PRODH2: variants seen among roughly 807,000 people sequenced by gnomAD.
The protein encoded by PRODH2 is hydroxyproline dehydrogenase.
Under a neutral mutation model 51.9 loss-of-function variants are expected in PRODH2, and 49 were observed. The ratio of observed to expected loss-of-function variants is 0.94; its 90% confidence interval spans 0.75 to 1.20. PRODH2 has a LOEUF of 1.20. PRODH2 is among the 50% of genes most tolerant of loss of function. The pLI is 0.00. For missense variants in PRODH2, 597 were observed against 610.9 expected (o/e 0.98, Z 0.24); for synonymous variants, 249 against 260.7 (o/e 0.96, Z 0.43).
Position 35,812,461 on chromosome 19 carries a change from T to C in PRODH2, c.270A>G (p.Ala90=), listed in dbSNP as rs756617763. 2 of 1,614,162 alleles carry C rather than the reference T, an allele frequency of 1.2e-6. No homozygotes were observed. The highest frequency in any genetic ancestry group is 1.7e-6 in the Non-Finnish European group (2 of 1,180,004). ...GCTGCACGCAGCCCTTCACCTCCTC[T>C]GCTGTCTCACCAGCCACAAACTGCC... ...VYGQFVAGET[A]EEVKGCVQQL... Residue 90 remains alanine, a synonymous_variant, in exon 2 of 10, where the codon GCA becomes GCG. Coordinates refer to ENST00000653904, the MANE Select transcript of PRODH2 (RefSeq NM_021232.2).
intron 7 of PRODH2, among the ~76,000 whole-genome samples, chr19:35,803,806 A>G (rs921543581): frequency 1.3e-5 from 2 of 152,248 alleles, no homozygotes; most frequent in Non-Finnish European, 2.9e-5. Flanking sequence ...ATAGTGCTCT[A>G]TCGCGCAACT....
At position 35,803,105 on chromosome 19, in the gene PRODH2, A is replaced by C. The variant is rs187814084; in HGVS notation, c.1002-27T>G. 667 of 1,477,300 alleles carry C rather than the reference A, an allele frequency of 4.5e-4. 10 individuals carry two copies. The Admixed American group carries it at 0.012, about 26-fold the overall frequency. 91.5% of individuals were successfully genotyped at this position (1,477,300 alleles called of 1,614,324 possible). ...TGAAGGGAGATGCTCTGTTCAGCTCACCTGGTGAGCGAGGGTCAGGCCCCA... is the reference window on the plus strand; with the variant it reads ...TGAAGGGAGATGCTCTGTTCAGCTCCCCTGGTGAGCGAGGGTCAGGCCCCA... On this transcript the variant is annotated intron_variant, in intron 7 of 9. Coordinates refer to ENST00000653904, the MANE Select transcript of PRODH2 (RefSeq NM_021232.2).
In PRODH2 at chr19:35,812,689, C is replaced by A. The variant is rs149195131; in HGVS notation, c.117G>T (p.Arg39=). The change falls in exon 1 of 10, where the codon CGG becomes CGT. Residue 39 remains arginine, a synonymous_variant. Coordinates refer to ENST00000653904, the MANE Select transcript of PRODH2 (RefSeq NM_021232.2). ...CACACAGCCGGAGAACCAGCAAGGC[C>A]CGTGTCAGCTCTCCTGTGCCCTTAA... ...FHLKGTGELT[R]ALLVLRLCAW... is the part of the protein sequence containing the mutation. The A allele has an allele frequency of 1.6e-5, 26 of 1,608,006 alleles. No individual in the cohort carries two copies. Among genetic ancestry groups the A allele is most frequent in the South Asian group, 1.3e-4 (12 of 90,536 alleles).
At chr19:35,804,238 A>G (rs1972475319) in intron 7 of PRODH2, among the ~76,000 whole-genome samples, 2 of 152,096 alleles carry the variant, frequency 1.3e-5, no homozygotes, top group Non-Finnish European at 2.9e-5. Context: ...CCCAGGTTGG[A>G]GTGCAGTGGC....
At chr19:35,802,593 G>C in intron 8 of PRODH2, 1 of 458,158 alleles carries the variant, frequency 2.2e-6, no homozygotes, top group Non-Finnish European at 4.0e-6. Context: ...GTAGGGACTT[G>C]CTTTGTTACC....
At chr19:35,810,082 A>G (rs1479523027) in intron 4 of PRODH2, among the ~76,000 whole-genome samples, 5 of 149,694 alleles carry the variant, frequency 3.3e-5, no homozygotes, top group Non-Finnish European at 7.4e-5. Context: ...AGCCTGGCCA[A>G]CATGGTGAAG....
At chr19:35,804,533 C>G (rs1186808958) in intron 7 of PRODH2, among the ~76,000 whole-genome samples, 11 of 152,362 alleles carry the variant, frequency 7.2e-5, no homozygotes, top group South Asian at 2.1e-4. Flanking sequence ...GGGGTTCTAT[C>G]TCTTGTCCCC....
In PRODH2 at chr19:35,809,743, G is replaced by A. The variant is rs371563077; in HGVS notation, c.597+2219C>T. Among the ~76,000 whole-genome samples, 12 of 149,612 alleles carry A rather than the reference G, an allele frequency of 8.0e-5. No homozygotes were observed. The East Asian group carries it at 1.6e-3, about 20-fold the overall frequency. Reference sequence around the variant, plus strand: ...TGGGAGGCCGAGGCACGTGGATCACGAGGTCAGGAGTTAAAGACTAGCCTG... The same window carrying A: ...TGGGAGGCCGAGGCACGTGGATCACAAGGTCAGGAGTTAAAGACTAGCCTG... On this transcript the variant is annotated intron_variant, in intron 4 of 9. Transcript: ENST00000653904.
At chr19:35,809,562 A>G (rs1468625767) in intron 4 of PRODH2, among the ~76,000 whole-genome samples, 1 of 152,108 alleles carries the variant, frequency 6.6e-6, no homozygotes, top group Non-Finnish European at 1.5e-5. Context: ...CACTCTCCCT[A>G]CAGGAATAAA....
At chr19:35,803,920 T>C (rs1308843030) in intron 7 of PRODH2, among the ~76,000 whole-genome samples, 1 of 148,328 alleles carries the variant, frequency 6.7e-6, no homozygotes, top group Non-Finnish European at 1.5e-5. Context: ...GCTATGTATT[T>C]CACATCCTCT....
chr19:35,803,785 G>T (rs541497349), intron 7 of PRODH2, among the ~76,000 whole-genome samples: 2 of 152,312 alleles, frequency 1.3e-5, no homozygotes, highest in African/African-American at 4.8e-5. Context: ...GGAAATTGTG[G>T]TACAGAGAAG....
intron 7 of PRODH2, among the ~76,000 whole-genome samples, chr19:35,803,550 C>T (rs535525514): frequency 2.0e-5 from 3 of 152,318 alleles, no homozygotes; most frequent in South Asian, 4.1e-4. Context: ...CCACCGCACC[C>T]GGCCCCATGT....
Position 35,812,046 on chromosome 19 carries a change from C to G in PRODH2, c.513G>C (p.Lys171Asn), listed in dbSNP as rs866404846. Reference protein sequence around the residue: ...VTALTSTRLCKELASWVRRPG... With the variant: ...VTALTSTRLCNELASWVRRPG... ...GCCTTCTGACCCACGAGGCTAGCTC[C>G]TTCTGAAATGGGGTGGTAGGCGGGG... The change falls in exon 4 of 10, where the codon AAG becomes AAC. Residue 171 changes from lysine (K) to asparagine (N), a missense_variant and splice_region_variant. Physicochemically the swap from Lys to Asn is moderately conservative, Grantham distance 94. Transcript: ENST00000653904. 1.9e-6 allele frequency: 3 copies of G among 1,614,190 alleles called. No individual in the cohort carries two copies. The highest frequency in any genetic ancestry group is 1.7e-5 in the Admixed American group (1 of 60,016).
chr19:35,810,155 C>T (rs1439278611), intron 4 of PRODH2, among the ~76,000 whole-genome samples: 6 of 139,794 alleles, frequency 4.3e-5, no homozygotes, highest in Non-Finnish European at 6.2e-5. Flanking sequence ...GTAATCCCAG[C>T]TACTCGGGAG....
At position 35,809,974 on chromosome 19, in the gene PRODH2, A is replaced by AAAAAAAAC. The variant is rs755735129; in HGVS notation, c.597+1987_597+1988insGTTTTTTT. Among the ~76,000 whole-genome samples the AAAAAAAAC allele has an allele frequency of 4.6e-4, 65 of 139,976 alleles. 1 individual carries two copies. Among genetic ancestry groups the AAAAAAAAC allele is most frequent in the Non-Finnish European group, 9.1e-4 (59 of 64,818 alleles). 91.8% of individuals were successfully genotyped at this position (139,976 alleles called of 152,430 possible). A position where few individuals can be genotyped will look rare whatever the true frequency, so the allele number is the denominator to read the frequency against. ...ATGCCGCTTCAAAAAAAAAAAAAAA[A>AAAAAAAAC]AAAAAAAAAAACGCTGGGCGTGGTG... On this transcript the variant is annotated intron_variant, in intron 4 of 9. Transcript: ENST00000653904.
chr19:35,811,937 C>T (rs903684953), intron 4 of PRODH2, 25 bp downstream of exon 4: 2 of 1,610,378 alleles, frequency 1.2e-6, no homozygotes, highest in Admixed American at 1.7e-5. Flanking sequence ...ACTCTGTCCC[C>T]GACAGTCCCG....
intron 4 of PRODH2, among the ~76,000 whole-genome samples, chr19:35,807,467 T>A (rs547231910): frequency 2.0e-5 from 3 of 152,156 alleles, no homozygotes; most frequent in African/African-American, 7.2e-5. Flanking sequence ...CATGCCCGGC[T>A]AATATTTGTA....
At chr19:35,800,480 C>T (rs967985130) in intron 9 of PRODH2, among the ~76,000 whole-genome samples, 1 of 152,112 alleles carries the variant, frequency 6.6e-6, no homozygotes, top group Admixed American at 6.5e-5. Flanking sequence ...AACTCCTGAC[C>T]TCAAGTTATC....
At chr19:35,808,999 C>G (rs1912117416) in intron 4 of PRODH2, among the ~76,000 whole-genome samples, 1 of 152,030 alleles carries the variant, frequency 6.6e-6, no homozygotes, top group Non-Finnish European at 1.5e-5. Flanking sequence ...AGGCTGGTCT[C>G]AAACTCCTGA....
Sources: allele counts gnomAD v4.1 joint callset (sites outside exome capture counted in the v4.1 genomes callset), GRCh38; gene constraint gnomAD v4.1.1; transcripts MANE v1.5; gene names NCBI Gene and HGNC (gene_info 2026-07-23, HGNC 2026-07-21).